The following LRP1B variants were observed in gnomAD, a reference collection of about 807,000 sequenced individuals.
The protein encoded by LRP1B is LDL receptor related protein 1B.
Under a neutral mutation model 556.6 loss-of-function variants are expected in LRP1B, and 217 were observed. The ratio of observed to expected loss-of-function variants is 0.39; its 90% CI spans 0.35 to 0.44. The LOEUF (loss-of-function observed/expected upper bound fraction) is 0.44, where lower values mean the gene tolerates loss of function less well. Ranked by LOEUF, LRP1B falls within the 20% of genes least tolerant of loss-of-function variation. The pLI is 1.00. For missense variants in LRP1B, 5,053 were observed against 5,620.8 expected (o/e 0.90, Z 3.23); for synonymous variants, 2,047 against 1,865.8 (o/e 1.10, Z -2.50).
intron 23 of LRP1B, among the ~76,000 whole-genome samples, chr2:140,887,943 G>A (rs1693688099): frequency 6.6e-6 from 1 of 152,102 alleles, no homozygotes; most frequent in African/African-American, 2.4e-5. Context: ...GTTTTGGGGT[G>A]ATTAAAGTGC....
chr2:141,463,591 A>T (rs1016583681), intron 3 of LRP1B, among the ~76,000 whole-genome samples: 1 of 77,342 alleles, frequency 1.3e-5, no homozygotes, highest in Non-Finnish European at 2.4e-5. Context: ...ATTATATATA[A>T]TATATATTAT....
intron 7 of LRP1B, among the ~76,000 whole-genome samples, chr2:141,173,161 G>C (rs1558910336): frequency 6.6e-6 from 1 of 151,234 alleles, no homozygotes; most frequent in Middle Eastern, 3.2e-3. Context: ...TGCCATCTTT[G>C]TCATCATCAT....
intron 1 of LRP1B, among the ~76,000 whole-genome samples, chr2:142,014,231 T>G (rs1181207245): frequency 6.6e-6 from 1 of 151,720 alleles, no homozygotes; most frequent in Non-Finnish European, 1.5e-5. Flanking sequence ...GAATCCTTTC[T>G]TGCACGAGAT....
At chr2:140,497,922 TA>T (rs1689018285) in intron 55 of LRP1B, among the ~76,000 whole-genome samples, 1 of 151,902 alleles carries the variant, frequency 6.6e-6, no homozygotes, top group African/African-American at 2.4e-5. Flanking sequence ...GTAAATTTTT[TA>T]AAATTTTATT....
intron 1 of LRP1B, among the ~76,000 whole-genome samples, chr2:142,118,468 T>C (rs1052980710): frequency 1.3e-5 from 2 of 152,188 alleles, no homozygotes; most frequent in African/African-American, 4.8e-5. Context: ...GTTTATGGTC[T>C]GTTCCAACGG....
At chr2:140,418,036 T>C (rs1413770772) in intron 66 of LRP1B, among the ~76,000 whole-genome samples, 1 of 152,188 alleles carries the variant, frequency 6.6e-6, no homozygotes, top group African/African-American at 2.4e-5. Flanking sequence ...GCAGCACATT[T>C]CAGCGACACA....
chr2:140,375,169 GTGTA>G (rs918619284), intron 68 of LRP1B, among the ~76,000 whole-genome samples: 6 of 126,040 alleles, frequency 4.8e-5, no homozygotes, highest in South Asian at 2.5e-4. Flanking sequence ...TTTATACTGT[GTGTA>G]TGTGTGTGTG....
chr2:140,832,921 G>A (rs759237913), intron 31 of LRP1B, among the ~76,000 whole-genome samples: 14 of 152,092 alleles, frequency 9.2e-5, no homozygotes, highest in Non-Finnish European at 1.6e-4. Context: ...CAGATTTGAG[G>A]CAATGGATAT....
intron 1 of LRP1B, among the ~76,000 whole-genome samples, chr2:142,035,878 G>A (rs549845831): frequency 4.0e-5 from 6 of 151,822 alleles, no homozygotes; most frequent in Non-Finnish European, 5.9e-5. Context: ...ATTGAATCAC[G>A]GGAGCCAGTC....
chr2:140,572,795 C>CATAAA (rs58239958), intron 43 of LRP1B, among the ~76,000 whole-genome samples: 21,252 of 134,904 alleles, frequency 0.16, 1,798 homozygotes, highest in Admixed American at 0.23. Context: ...ACTATTCAGC[C>CATAAA]ATAAAATAAA....
chr2:141,600,060 A>G (rs1471872588), intron 2 of LRP1B, among the ~76,000 whole-genome samples: 1 of 152,128 alleles, frequency 6.6e-6, no homozygotes, highest in Non-Finnish European at 1.5e-5. Flanking sequence ...CTAATTTCCT[A>G]CACCATTCAG....
At chr2:141,954,058 C>G (rs747640954) in intron 1 of LRP1B, among the ~76,000 whole-genome samples, 8 of 152,080 alleles carry the variant, frequency 5.3e-5, no homozygotes, top group African/African-American at 1.7e-4. Context: ...CTCTCTCTCT[C>G]GGCACAAGCA....
chr2:141,382,718 C>T (rs1482586484), intron 3 of LRP1B, among the ~76,000 whole-genome samples: 1 of 152,136 alleles, frequency 6.6e-6, no homozygotes, highest in Non-Finnish European at 1.5e-5. Context: ...ACAAATGCAA[C>T]AACGCATTAA....
intron 25 of LRP1B, 42 bp downstream of exon 25, chr2:140,883,775 T>C: frequency 6.4e-7 from 1 of 1,559,400 alleles, no homozygotes. Flanking sequence ...GAAAGACTAT[T>C]TTTTATGCCA....
intron 7 of LRP1B, among the ~76,000 whole-genome samples, chr2:141,172,784 A>T (rs1370945450): frequency 6.6e-6 from 1 of 152,046 alleles, no homozygotes; most frequent in African/African-American, 2.4e-5. Context: ...GATTTTCTCT[A>T]CTAAGCAACC....
intron 7 of LRP1B, among the ~76,000 whole-genome samples, chr2:141,150,805 GGTCCACA>G (rs2105081926): frequency 6.6e-6 from 1 of 150,408 alleles, no homozygotes; most frequent in South Asian, 2.1e-4. Flanking sequence ...ATTTATTTCT[GGTCCACA>G]CATTATGTAA....
chr2:141,212,809 T>C (rs532889749), intron 6 of LRP1B, among the ~76,000 whole-genome samples: 1 of 152,140 alleles, frequency 6.6e-6, no homozygotes, highest in Non-Finnish European at 1.5e-5. Context: ...TTTAATGTAA[T>C]TGATTCGTTC....
At chr2:141,508,612 C>G (rs146098263) in intron 2 of LRP1B, among the ~76,000 whole-genome samples, 8 of 150,768 alleles carry the variant, frequency 5.3e-5, no homozygotes, top group Non-Finnish European at 8.8e-5. Context: ...GTATAGTTGT[C>G]TCTTGGTCTA....
chr2:140,814,115 C>T (rs1192926020), intron 31 of LRP1B, among the ~76,000 whole-genome samples: 2 of 152,090 alleles, frequency 1.3e-5, no homozygotes, highest in Non-Finnish European at 2.9e-5. Flanking sequence ...GCTAGGACTA[C>T]AAATGTGCAC....
Sources: allele counts gnomAD v4.1 joint callset (sites outside exome capture counted in the v4.1 genomes callset), GRCh38; gene constraint gnomAD v4.1.1; transcripts MANE v1.5; gene names NCBI Gene and HGNC (gene_info 2026-07-23, HGNC 2026-07-21).